The following IGSF11 variants were observed in gnomAD, a reference collection of about 807,000 sequenced individuals.
The protein encoded by IGSF11 is immunoglobulin superfamily member 11, also known as CXADR like 1.
In IGSF11, 22 loss-of-function variants were observed where a neutral mutation model predicts 41.0. The ratio of observed to expected loss-of-function variants is 0.54; its 90% CI spans 0.38 to 0.77. The LOEUF (loss-of-function observed/expected upper bound fraction) is 0.77, where lower values mean the gene tolerates loss of function less well. Among genes scored for constraint, IGSF11 ranks in the 30% least tolerant of loss-of-function variants. The pLI is 0.00. For synonymous variants in IGSF11, 219 were observed against 201.3 expected (o/e 1.09, Z -0.74); for missense variants, 444 against 530.8 (o/e 0.84, Z 1.61).
At chr3:119,057,033 A>G (rs539192803) in intron 1 of IGSF11, among the ~76,000 whole-genome samples, 1 of 152,294 alleles carries the variant, frequency 6.6e-6, no homozygotes, top group East Asian at 1.9e-4. Flanking sequence ...ATGGACAAAA[A>G]CTGGAAGCAT....
chr3:119,053,880 G>A (rs1406742950), intron 1 of IGSF11, among the ~76,000 whole-genome samples: 1 of 152,112 alleles, frequency 6.6e-6, no homozygotes, highest in Non-Finnish European at 1.5e-5. Context: ...ACAGCCTACT[G>A]ATCTTCATCA....
rs1316227377 is a variant in IGSF11 at position 119,034,227 on chromosome 3, T to TA, written c.52+303dup. ...CCAGTGAGTAAGGGAGTTCGTTATC[T>TA]AAAAAGGATCCTGCATTCCGCAGAG... On this transcript the variant is annotated intron_variant, in intron 1 of 6. Transcript: ENST00000393775. 2.6e-5 allele frequency among the ~76,000 whole-genome samples: 4 copies of TA among 152,202 alleles called. No individual in the cohort carries two copies. The South Asian group carries it at 8.3e-4, about 32-fold the overall frequency.
At chr3:119,074,668 T>G (rs2076461753) in intron 1 of IGSF11, among the ~76,000 whole-genome samples, 1 of 151,194 alleles carries the variant, frequency 6.6e-6, no homozygotes, top group Non-Finnish European at 1.5e-5. Context: ...ATCCTGTGAA[T>G]GGTGAAACCC....
intron 4 of IGSF11, among the ~76,000 whole-genome samples, chr3:118,917,126 A>C (rs1437098401): frequency 6.6e-6 from 1 of 151,526 alleles, no homozygotes; most frequent in Non-Finnish European, 1.5e-5. Flanking sequence ...AGGGAAATTT[A>C]TAGCACTAAA....
At chr3:119,030,785 G>T (rs893149066) in intron 1 of IGSF11, among the ~76,000 whole-genome samples, 1 of 152,142 alleles carries the variant, frequency 6.6e-6, no homozygotes, top group Non-Finnish European at 1.5e-5. Flanking sequence ...ATGTGTTAGT[G>T]CCAGCTAGCC....
chr3:119,032,532 T>A (rs184243613), intron 1 of IGSF11, among the ~76,000 whole-genome samples: 18 of 152,236 alleles, frequency 1.2e-4, no homozygotes, highest in Admixed American at 7.8e-4. Flanking sequence ...CCCCAACTAC[T>A]TTTTGGCTCT....
chr3:119,136,139 C>A (rs934269007), intron 1 of IGSF11, among the ~76,000 whole-genome samples: 5 of 152,040 alleles, frequency 3.3e-5, no homozygotes, highest in African/African-American at 1.2e-4. Context: ...GTGCAGCGAA[C>A]CAACATGGCA....
chr3:118,962,344 T>G (rs542686900), intron 1 of IGSF11, among the ~76,000 whole-genome samples: 1 of 152,334 alleles, frequency 6.6e-6, no homozygotes, highest in African/African-American at 2.4e-5. Context: ...ACTTTGTTGC[T>G]GATATGATTA....
rs534747996 is a variant in IGSF11, at chr3:119,136,222, GA to G, written c.-14+9590del. On this transcript the variant is annotated intron_variant, in intron 1 of 7. Coordinates refer to the IGSF11 transcript ENST00000425327. ...GTACTTAAAGTATAATAATTAAAAA[GA>G]AAAAAAGAAGACAGAAAGGAAAGAA... is the stretch of plus-strand genomic sequence containing the variant. Among the ~76,000 whole-genome samples, 884 of 150,514 alleles carry G rather than the reference GA, an allele frequency of 5.9e-3. 9 individuals carry two copies. Among genetic ancestry groups the G allele is most frequent in the African/African-American group, 0.021 (864 of 41,060 alleles).
chr3:119,071,425 C>T (rs1430650298), intron 1 of IGSF11, among the ~76,000 whole-genome samples: 1 of 152,040 alleles, frequency 6.6e-6, no homozygotes, highest in Non-Finnish European at 1.5e-5. Context: ...AGATTTAGAC[C>T]TCTTATCCCT....
intron 1 of IGSF11, among the ~76,000 whole-genome samples, chr3:118,972,655 A>C (rs1168514837): frequency 6.6e-6 from 1 of 152,210 alleles, no homozygotes; most frequent in Non-Finnish European, 1.5e-5. Context: ...GATCCTCGTT[A>C]TTCGGGGCAG....
At chr3:119,004,953 G>C (rs1179389849) in intron 1 of IGSF11, among the ~76,000 whole-genome samples, 1 of 151,654 alleles carries the variant, frequency 6.6e-6, no homozygotes. Context: ...ATTTGGGGTG[G>C]AGAGTTCTGT....
intron 1 of IGSF11, among the ~76,000 whole-genome samples, chr3:118,969,492 T>C (rs111454382): frequency 0.013 from 1,952 of 152,162 alleles, 50 homozygotes; most frequent in African/African-American, 0.044. Flanking sequence ...ACACAGAGTA[T>C]GAAGAATCAA....
chr3:118,914,396 C>A lies in IGSF11; in HGVS notation c.581-8678G>T, dbSNP rs529853740. The stretch of plus-strand genomic sequence containing the variant: ...GACAGTGGGCGCAGGCCAGTGGGTG[C>A]GCGCACCGTGTGCGAGCCGAAGCAG... On this transcript the variant is annotated intron_variant, in intron 4 of 6. Transcript: ENST00000393775. Among the ~76,000 whole-genome samples, 138 of 151,626 alleles carry A rather than the reference C, an allele frequency of 9.1e-4. 3 individuals are homozygous for A. Among genetic ancestry groups the A allele is most frequent in the South Asian group, 4.2e-3 (20 of 4,734 alleles).
chr3:118,946,410 C>A (rs1944144378), intron 1 of IGSF11, among the ~76,000 whole-genome samples: 1 of 149,120 alleles, frequency 6.7e-6, no homozygotes, highest in African/African-American at 2.5e-5. Context: ...TAGCACTTTA[C>A]AACAGATTTA....
chr3:118,967,224 T>G (rs752169161), intron 1 of IGSF11, among the ~76,000 whole-genome samples: 22 of 152,016 alleles, frequency 1.4e-4, no homozygotes, highest in East Asian at 7.7e-4. Context: ...TGGAGAGAGA[T>G]ATATATATAA....
intron 1 of IGSF11, chr3:119,112,899 A>G (rs1464836187): frequency 6.6e-6 from 1 of 152,404 alleles, no homozygotes; most frequent in Non-Finnish European, 1.5e-5. Context: ...GATGTACAGA[A>G]AGCATGGCAG....
At chr3:119,024,934 T>C (rs1026151102) in intron 1 of IGSF11, among the ~76,000 whole-genome samples, 1 of 152,112 alleles carries the variant, frequency 6.6e-6, no homozygotes, top group African/African-American at 2.4e-5. Flanking sequence ...CATACAAGAT[T>C]TGTCCGTGAT....
chr3:118,913,849 GA>G (rs1434065830), intron 4 of IGSF11, among the ~76,000 whole-genome samples: 1 of 152,130 alleles, frequency 6.6e-6, no homozygotes, highest in African/African-American at 2.4e-5. Context: ...CTAAAGCCAA[GA>G]AAATAACTAA....
Sources: allele counts gnomAD v4.1 joint callset (sites outside exome capture counted in the v4.1 genomes callset), GRCh38; gene constraint gnomAD v4.1.1; transcripts MANE v1.5; gene names NCBI Gene and HGNC (gene_info 2026-07-23, HGNC 2026-07-21).